The following CAMTA1 variants were observed in gnomAD, a reference collection of about 807,000 sequenced individuals.
CAMTA1 encodes calmodulin-binding transcription activator 1.
Under a neutral mutation model 170.9 loss-of-function variants are expected in CAMTA1, and 27 were observed. The ratio of observed to expected loss-of-function variants is 0.16; its 90% CI spans 0.12 to 0.22. The LOEUF is 0.22. Ranked by LOEUF, CAMTA1 falls within the 10% of genes least tolerant of loss-of-function variation. The pLI, the probability that CAMTA1 is intolerant of heterozygous loss-of-function variation, is 1.00. For synonymous variants in CAMTA1, 833 were observed against 891.5 expected, an observed-to-expected ratio of 0.93 and a Z score of 1.17; for missense variants, 1,619 against 2,217.2, an observed-to-expected ratio of 0.73 and a Z score of 5.42.
chr1:7,309,509 CG>C (rs1294948950), intron 5 of CAMTA1, among the ~76,000 whole-genome samples: 1 of 151,394 alleles, frequency 6.6e-6, no homozygotes, highest in East Asian at 1.9e-4. Context: ...CCGTTTTAGC[CG>C]GGATGGTCTC....
At chr1:7,202,809 G>A (rs1656956316) in intron 4 of CAMTA1, among the ~76,000 whole-genome samples, 2 of 152,140 alleles carry the variant, frequency 1.3e-5, no homozygotes, top group Non-Finnish European at 2.9e-5. Context: ...CTAAATAAAA[G>A]ATCATCTCAT....
At chr1:7,209,744 AG>A (rs1473515700) in intron 4 of CAMTA1, among the ~76,000 whole-genome samples, 1 of 152,230 alleles carries the variant, frequency 6.6e-6, no homozygotes, top group African/African-American at 2.4e-5. Context: ...GAGATTTCCG[AG>A]TCAGTAGAAC....
At chr1:7,122,384 C>A (rs1033768650) in intron 4 of CAMTA1, among the ~76,000 whole-genome samples, 19 of 152,116 alleles carry the variant, frequency 1.2e-4, no homozygotes, top group Admixed American at 1.2e-3. Context: ...AGACAGCTCA[C>A]GGAGTGAAAT....
intron 6 of CAMTA1, among the ~76,000 whole-genome samples, chr1:7,485,324 C>T (rs1029952397): frequency 1.4e-4 from 21 of 152,168 alleles, no homozygotes; most frequent in Admixed American, 1.2e-3. Context: ...TTAGGGGAGA[C>T]AAGAAGGAAG....
chr1:6,825,012 C>T (rs1646948358), intron 2 of CAMTA1, 80 bp from the exon 3 acceptor site: 1 of 770,362 alleles, frequency 1.3e-6, no homozygotes, highest in African/African-American at 1.8e-5. Context: ...AACTGAGCTG[C>T]TATTTCTGAC....
chr1:6,985,865 G>T (rs1209024223), intron 3 of CAMTA1, among the ~76,000 whole-genome samples: 1 of 152,172 alleles, frequency 6.6e-6, no homozygotes, highest in Non-Finnish European at 1.5e-5. Context: ...AATGAGGAGA[G>T]AGGCCTTCTG....
At chr1:7,266,246 A>C (rs932893552) in intron 5 of CAMTA1, among the ~76,000 whole-genome samples, 10 of 152,302 alleles carry the variant, frequency 6.6e-5, no homozygotes, top group Admixed American at 5.9e-4. Flanking sequence ...GGCCAGACCT[A>C]GGCCTGGCCA....
rs1036435935 is a variant in CAMTA1 at position 7,588,472 on chromosome 1, C to G, written c.511-51928C>G. On this transcript the variant is annotated intron_variant, in intron 6 of 22. Coordinates refer to ENST00000303635, the MANE Select transcript of CAMTA1 (RefSeq NM_015215.4). This position sits in a 1 kb window ranked among gnomAD's most constrained non-coding sequence, Gnocchi z 5.8. ...AAGCATCGTTTTATCAAAACCCTCA[C>G]CATTGCCATCACCACCTCCATTTGA... Among the ~76,000 whole-genome samples, 7 of 152,238 alleles carry G rather than the reference C, an allele frequency of 4.6e-5. No individual in the cohort carries two copies. The highest frequency in any genetic ancestry group is 1.7e-4 in the African/African-American group (7 of 41,458).
chr1:7,619,655 T>G (rs1004293093), intron 6 of CAMTA1, among the ~76,000 whole-genome samples: 14 of 151,702 alleles, frequency 9.2e-5, no homozygotes, highest in African/African-American at 3.4e-4. Flanking sequence ...GAAATTGATT[T>G]TTTTTTTTTT....
chr1:7,106,863 G>A (rs1643639361), intron 4 of CAMTA1, among the ~76,000 whole-genome samples: 1 of 151,876 alleles, frequency 6.6e-6, no homozygotes, highest in Admixed American at 6.6e-5. Flanking sequence ...TTGACTTTCT[G>A]GTGTGACTCA....
intron 3 of CAMTA1, among the ~76,000 whole-genome samples, chr1:6,905,086 T>G (rs1216571287): frequency 2.6e-5 from 4 of 152,076 alleles, no homozygotes; most frequent in Non-Finnish European, 4.4e-5. Flanking sequence ...CCATAAATTC[T>G]GCCTGTGAAC....
rs202051514 is a variant in CAMTA1 at position 7,403,123 on chromosome 1, T to TG, written c.439-64701dup. Among the ~76,000 whole-genome samples the TG allele has an allele frequency of 8.5e-3, 1,291 of 152,004 alleles. 15 individuals are homozygous for TG. The highest frequency in any genetic ancestry group is 0.029 in the African/African-American group (1,212 of 41,454). Reference sequence around the variant, plus strand: ...ATCCCAGCACCTTGGGAGGCCTAGGTGGGGGGATCAGCTGAGGTCAGGAGT... The same window carrying TG: ...ATCCCAGCACCTTGGGAGGCCTAGGTGGGGGGGATCAGCTGAGGTCAGGAGT... On this transcript the variant is annotated intron_variant, in intron 5 of 22. Coordinates refer to ENST00000303635, the MANE Select transcript of CAMTA1 (RefSeq NM_015215.4).
At chr1:7,448,357 C>T (rs868561817) in intron 5 of CAMTA1, among the ~76,000 whole-genome samples, 1 of 152,200 alleles carries the variant, frequency 6.6e-6, no homozygotes, top group South Asian at 2.1e-4. Flanking sequence ...GGAATGTGTG[C>T]GAACCTCCAT....
chr1:7,248,962 A>G lies in CAMTA1; in HGVS notation c.303-529A>G, dbSNP rs1286103479. Among the ~76,000 whole-genome samples, 1 of 152,208 alleles carries G rather than the reference A, an allele frequency of 6.6e-6. No individual in the cohort carries two copies. Among genetic ancestry groups the G allele is most frequent in the Non-Finnish European group, 1.5e-5 (1 of 68,036 alleles). The stretch of plus-strand genomic sequence containing the variant: ...AGATGCTCTTTCATATCTAGCAGTA[A>G]TCTAAATGCAGGCAATGAACCAACA... On this transcript the variant is annotated intron_variant, in intron 4 of 22. Transcript: ENST00000303635. This position sits in a 1 kb window ranked among gnomAD's most constrained non-coding sequence, Gnocchi z 4.0.
At chr1:7,464,228 C>T (rs2093158878) in intron 5 of CAMTA1, among the ~76,000 whole-genome samples, 1 of 152,046 alleles carries the variant, frequency 6.6e-6, no homozygotes, top group Non-Finnish European at 1.5e-5. Flanking sequence ...GCATGTACTC[C>T]CTCACACTCC....
intron 11 of CAMTA1, among the ~76,000 whole-genome samples, chr1:7,689,841 G>A (rs2096291241): frequency 6.6e-6 from 1 of 152,140 alleles, no homozygotes; most frequent in African/African-American, 2.4e-5. Flanking sequence ...TGCCCCAGAA[G>A]CTAGGACACA....
At chr1:6,797,996 AT>A (rs375770205) in intron 1 of CAMTA1, among the ~76,000 whole-genome samples, 2,904 of 141,692 alleles carry the variant, frequency 0.02, 49 homozygotes, top group African/African-American at 0.057. Context: ...GAAGAAAGGA[AT>A]TTTTTTTTTT....
At chr1:6,986,457 G>A (rs1056408754) in intron 3 of CAMTA1, among the ~76,000 whole-genome samples, 2 of 152,156 alleles carry the variant, frequency 1.3e-5, no homozygotes, top group Non-Finnish European at 2.9e-5. Flanking sequence ...TGACTTTCCA[G>A]GTGCAGAGCC....
intron 4 of CAMTA1, among the ~76,000 whole-genome samples, chr1:7,106,399 C>T (rs897528514): frequency 3.3e-5 from 5 of 151,990 alleles, no homozygotes; most frequent in Non-Finnish European, 5.9e-5. Context: ...CCAGAGTAAG[C>T]CACATCTCAC....
Sources: allele counts gnomAD v4.1 joint callset (sites outside exome capture counted in the v4.1 genomes callset), GRCh38; gene constraint gnomAD v4.1.1; non-coding constraint Gnocchi (gnomAD v3.1); transcripts MANE v1.5; gene names NCBI Gene and HGNC (gene_info 2026-07-23, HGNC 2026-07-21).